The following NAALAD2 variants were observed in gnomAD, a reference collection of about 807,000 sequenced individuals.
The protein encoded by NAALAD2 is N-acetylated alpha-linked acidic dipeptidase 2, also known as N-acetylated-alpha-linked acidic dipeptidase 2.
Under a neutral mutation model 95.6 loss-of-function variants are expected in NAALAD2, and 89 were observed. The ratio of observed to expected loss-of-function variants is 0.93; its 90% CI spans 0.78 to 1.11. The LOEUF (loss-of-function observed/expected upper bound fraction) is 1.11. Among genes scored for constraint, NAALAD2 ranks in the 50% least tolerant of loss-of-function variants. NAALAD2 has a pLI of 0.00. For missense variants in NAALAD2, 894 were observed against 872.4 expected, an observed-to-expected ratio of 1.02 and a Z score of -0.31; for synonymous variants, 264 against 294.4, an observed-to-expected ratio of 0.90 and a Z score of 1.06.
chr11:90,164,516 C>T (rs1952382613), intron 11 of NAALAD2, among the ~76,000 whole-genome samples: 1 of 152,130 alleles, frequency 6.6e-6, no homozygotes, highest in Non-Finnish European at 1.5e-5. Context: ...TAAACTTTTA[C>T]TCTTTCTGTA....
rs377463545 is a variant in NAALAD2 at position 90,177,967 on chromosome 11, C to G, written c.1708C>G (p.Arg570Gly). 1.9e-6 allele frequency: 3 copies of G among 1,613,722 alleles called. No homozygotes were observed. Residue 570 changes from arginine (R) to glycine (G), a missense_variant, in exon 16 of 19, where the codon CGA becomes GGA. Transcript: ENST00000534061. ...FKKQLSVAQL[R>G]GALVYELVDS... Reference sequence around the variant, plus strand: ...AAAACAACTTTCTGTGGCTCAATTACGAGGAGCACTGGTATATGAGCTTGT... The same window carrying G: ...AAAACAACTTTCTGTGGCTCAATTAGGAGGAGCACTGGTATATGAGCTTGT...
At chr11:90,161,451 T>C (rs925925020) in intron 8 of NAALAD2, among the ~76,000 whole-genome samples, 1 of 152,216 alleles carries the variant, frequency 6.6e-6, no homozygotes, top group Non-Finnish European at 1.5e-5. Flanking sequence ...TGAATATTTA[T>C]TGAGCATTTC....
At chr11:90,173,672 A>T (rs1183755096) in intron 13 of NAALAD2, 152 bp from the exon 14 acceptor site, 1 of 439,716 alleles carries the variant, frequency 2.3e-6, no homozygotes. Context: ...CAAAAATATA[A>T]TTTTTCTATA....
At chr11:90,155,320 A>T (rs1952036526) in intron 6 of NAALAD2, among the ~76,000 whole-genome samples, 1 of 119,542 alleles carries the variant, frequency 8.4e-6, no homozygotes, top group African/African-American at 3.3e-5. Flanking sequence ...TATTATATAT[A>T]ATATATAATG....
intron 11 of NAALAD2, 129 bp downstream of exon 11, chr11:90,163,746 A>G: frequency 1.1e-6 from 1 of 879,596 alleles, no homozygotes; most frequent in South Asian, 1.5e-5. Flanking sequence ...GACTCAAGAC[A>G]ATTTAAGAAA....
chr11:90,185,592 AG>A (rs1324217768), intron 18 of NAALAD2, among the ~76,000 whole-genome samples: 1 of 152,122 alleles, frequency 6.6e-6, no homozygotes, highest in East Asian at 1.9e-4. Context: ...GCTTGAACAC[AG>A]GAGCTTGATG....
At chr11:90,183,586 G>A (rs752629278) in intron 18 of NAALAD2, among the ~76,000 whole-genome samples, 57 of 152,056 alleles carry the variant, frequency 3.7e-4, no homozygotes, top group African/African-American at 1.3e-3. Context: ...TTCATTTTTC[G>A]GCGTTATGAT....
At chr11:90,159,128 A>C (rs1952209404) in intron 7 of NAALAD2, 111 bp from the exon 8 acceptor site, 3 of 852,558 alleles carry the variant, frequency 3.5e-6, no homozygotes, top group Non-Finnish European at 5.7e-6. Flanking sequence ...GGCACTTAGT[A>C]AATGACAAAT....
intron 18 of NAALAD2, among the ~76,000 whole-genome samples, chr11:90,188,655 TAA>T (rs768812145): frequency 6.6e-6 from 1 of 152,216 alleles, no homozygotes; most frequent in Non-Finnish European, 1.5e-5. Context: ...CACTAGAAAT[TAA>T]GTTTCAACAT....
At chr11:90,172,405 C>A (rs756991273) in intron 13 of NAALAD2, among the ~76,000 whole-genome samples, 2 of 152,160 alleles carry the variant, frequency 1.3e-5, no homozygotes, top group African/African-American at 4.8e-5. Flanking sequence ...CTGTTACCTT[C>A]TACTTGAAGG....
At chr11:90,140,466 T>C (rs921408475) in intron 2 of NAALAD2, among the ~76,000 whole-genome samples, 1 of 152,004 alleles carries the variant, frequency 6.6e-6, no homozygotes, top group Non-Finnish European at 1.5e-5. Context: ...TTTTTAATAT[T>C]TCTAGGCTAT....
At position 90,192,360 on chromosome 11, in the gene NAALAD2, A is replaced by G. The variant is rs1238727985; in HGVS notation, c.*613A>G. 2 of 152,082 alleles carry G rather than the reference A, an allele frequency of 1.3e-5. No homozygotes were observed. Among genetic ancestry groups the G allele is most frequent in the Non-Finnish European group, 2.9e-5 (2 of 67,908 alleles). The allele number at this position is 152,082 out of a possible 1,614,324, so 9.4% of individuals were successfully genotyped here. On this transcript the variant is annotated 3_prime_UTR_variant, in exon 19 of 19. Coordinates refer to ENST00000534061, the MANE Select transcript of NAALAD2 (RefSeq NM_005467.4). Reference sequence around the variant, plus strand: ...CATTGTTGAAGGAAAAAAGCCAGACAAACAACTACATAAAATATGTTTCTA... The same window carrying G: ...CATTGTTGAAGGAAAAAAGCCAGACGAACAACTACATAAAATATGTTTCTA...
intron 6 of NAALAD2, among the ~76,000 whole-genome samples, chr11:90,155,728 TACA>T: frequency 1.8e-5 from 1 of 54,092 alleles, no homozygotes; most frequent in Non-Finnish European, 3.4e-5. Context: ...ATGTAATACA[TACA>T]TACATATGTA....
chr11:90,147,243 T>G (rs1328355936), intron 2 of NAALAD2, 87 bp from the exon 3 acceptor site: 1 of 1,016,982 alleles, frequency 9.8e-7, no homozygotes, highest in East Asian at 2.4e-5. Context: ...TAATGCCCAA[T>G]GCATAAGTAG....
At chr11:90,183,486 T>C (rs893295725) in intron 18 of NAALAD2, among the ~76,000 whole-genome samples, 1 of 152,154 alleles carries the variant, frequency 6.6e-6, no homozygotes, top group African/African-American at 2.4e-5. Flanking sequence ...TCTCTTTGAG[T>C]TTGTTCTGTT....
chr11:90,154,653 G>A (rs1046122959), intron 6 of NAALAD2, among the ~76,000 whole-genome samples: 2 of 151,338 alleles, frequency 1.3e-5, no homozygotes, highest in Non-Finnish European at 3.0e-5. Flanking sequence ...CATGAGTTGG[G>A]AACCATTTCA....
In NAALAD2 at chr11:90,163,354, G is replaced by A. The variant is rs889013709; in HGVS notation, c.1120G>A (p.Gly374Arg). 3 of 1,613,900 alleles carry A rather than the reference G, an allele frequency of 1.9e-6. No homozygotes were observed. The highest frequency in any genetic ancestry group is 2.5e-6 in the Non-Finnish European group (3 of 1,179,914). The change falls in exon 10 of 19, where the codon GGA (glycine) becomes AGA (arginine). Residue 374 changes from glycine (G) to arginine (R), a missense_variant. Coordinates refer to ENST00000534061, the MANE Select transcript of NAALAD2 (RefSeq NM_005467.4). Reference protein sequence around the residue: ...LGGHRDSWVFGAIDPTSGVAV... With the variant: ...LGGHRDSWVFRAIDPTSGVAV... ...AGGTCACCGGGACTCCTGGGTATTT[G>A]GAGCTATTGACCCAACCAGTGGGGT...
rs981602496 is a variant in NAALAD2 at position 90,155,201 on chromosome 11, T to C, written c.796+2717T>C. Among the ~76,000 whole-genome samples the C allele has an allele frequency of 2.3e-4, 30 of 128,516 alleles. No homozygotes were observed. In the East Asian group the frequency reaches 6.4e-3, roughly 28 times the overall value. The allele number at this position is 128,516 out of a possible 152,430, so 84.3% of individuals were successfully genotyped here. A position where few individuals can be genotyped will look rare whatever the true frequency, so the allele number is the denominator to read the frequency against. ...TACATAATATGTATATATGTGTGTA[T>C]ATATTATATACATAATATGTATATG... On this transcript the variant is annotated intron_variant, in intron 6 of 18. Transcript: ENST00000534061.
rs180787694 is a variant in NAALAD2, at chr11:90,167,763, A to G, written c.1279-1166A>G. 6.8e-3 allele frequency among the ~76,000 whole-genome samples: 1,038 copies of G among 152,282 alleles called. 6 individuals carry two copies. The highest frequency in any genetic ancestry group is 0.011 in the Non-Finnish European group (759 of 68,026). On this transcript the variant is annotated intron_variant, in intron 11 of 18. Transcript: ENST00000534061. ...ATGCACCAATCCACACTCTATATCT[A>G]GCTAATCTAGTGGGGACGTGGGGAA...
Sources: gnomAD v4.1 joint callset for allele counts (sites outside exome capture counted in the v4.1 genomes callset) on GRCh38, gnomAD v4.1.1 for gene constraint, MANE v1.5 for transcripts, NCBI Gene and HGNC (gene_info 2026-07-23, HGNC 2026-07-21) for gene names.